The following PTPRD variants were observed in gnomAD, a reference collection of about 807,000 sequenced individuals.
The protein encoded by PTPRD is protein tyrosine phosphatase receptor type D, also known as receptor-type tyrosine-protein phosphatase delta.
Under a neutral mutation model 214.5 loss-of-function variants are expected in PTPRD, and 34 were observed. The observed-to-expected ratio is 0.16, with a 90% CI of 0.12 to 0.21. The LOEUF (loss-of-function observed/expected upper bound fraction) is 0.21. Among genes scored for constraint, PTPRD ranks in the 10% least tolerant of loss-of-function variants. The pLI is 1.00. For synonymous variants in PTPRD, 1,128 were observed against 845.7 expected, an observed-to-expected ratio of 1.33 and a Z score of -5.79; for missense variants, 2,545 against 2,398.7, an observed-to-expected ratio of 1.06 and a Z score of -1.27.
At chr9:9,758,875 T>C (rs1465317101) in intron 6 of PTPRD, among the ~76,000 whole-genome samples, 1 of 151,878 alleles carries the variant, frequency 6.6e-6, no homozygotes, top group Non-Finnish European at 1.5e-5. Context: ...TAATCAAAAC[T>C]AATTCTTAAT....
chr9:9,130,479 G>A (rs1411553048), intron 10 of PTPRD, among the ~76,000 whole-genome samples: 1 of 152,088 alleles, frequency 6.6e-6, no homozygotes, highest in Non-Finnish European at 1.5e-5. Flanking sequence ...GTAAAACAGA[G>A]GTCATATATA....
At chr9:10,008,063 G>C (rs1028898397) in intron 4 of PTPRD, among the ~76,000 whole-genome samples, 3 of 151,886 alleles carry the variant, frequency 2.0e-5, no homozygotes, top group Non-Finnish European at 4.4e-5. Flanking sequence ...CTGCAAATCT[G>C]GGGGAGCTGG....
chr9:8,696,953 T>C (rs188685277), intron 12 of PTPRD, among the ~76,000 whole-genome samples: 129 of 148,500 alleles, frequency 8.7e-4, no homozygotes, highest in African/African-American at 2.9e-3. Flanking sequence ...TAACGGTTTC[T>C]TCATTTTAGT....
chr9:9,456,863 C>T (rs959335451), intron 8 of PTPRD, among the ~76,000 whole-genome samples: 6 of 151,776 alleles, frequency 4.0e-5, no homozygotes, highest in Non-Finnish European at 5.9e-5. Context: ...AGACCTTGAG[C>T]TCTTTACTAA....
In PTPRD at chr9:9,575,394, GC is replaced by G. The variant is rs1411025601; in HGVS notation, c.-286-614del. Among the ~76,000 whole-genome samples, 4 of 151,626 alleles carry G rather than the reference GC, an allele frequency of 2.6e-5. No individual in the cohort carries two copies. In the East Asian group the frequency reaches 5.8e-4, roughly 22 times the overall value. On this transcript the variant is annotated intron_variant, in intron 7 of 45. Transcript: ENST00000381196. The stretch of plus-strand genomic sequence containing the variant: ...TGTCTTTAAATTGTCTTTAAAATAC[GC>G]CAGTTAGTTACCATTGTGTGTGACT...
intron 5 of PTPRD, among the ~76,000 whole-genome samples, chr9:9,839,119 G>A (rs1599341021): frequency 6.6e-6 from 1 of 152,072 alleles, no homozygotes; most frequent in Non-Finnish European, 1.5e-5. Flanking sequence ...CTGTTCCATT[G>A]ATCTATATCT....
intron 7 of PTPRD, among the ~76,000 whole-genome samples, chr9:9,638,553 TC>T (rs1321619123): frequency 6.6e-6 from 1 of 152,184 alleles, no homozygotes; most frequent in African/African-American, 2.4e-5. Context: ...CCCCTTCTTT[TC>T]TTCTGAGCCC....
intron 33 of PTPRD, among the ~76,000 whole-genome samples, chr9:8,453,386 G>T (rs937268671): frequency 3.9e-5 from 6 of 151,924 alleles, no homozygotes; most frequent in African/African-American, 1.5e-4. Flanking sequence ...GGATGGTCTC[G>T]ATCTCCTGAC....
intron 5 of PTPRD, among the ~76,000 whole-genome samples, chr9:9,894,907 G>A (rs28588844): frequency 0.17 from 25,662 of 151,790 alleles, 2,314 homozygotes; most frequent in Middle Eastern, 0.26. Context: ...AAAAGAGCCA[G>A]AAATGGCTTT....
In PTPRD at chr9:8,857,683, C is replaced by G. The variant is rs867200382; in HGVS notation, c.-103-123737G>C. ...CAGCCGCCGCCACCGCCTCCCGCGC[C>G]GCCGCCAACACTTTCCTCCAGCGCC... On this transcript the variant is annotated intron_variant, in intron 11 of 45. Coordinates refer to ENST00000381196, the MANE Select transcript of PTPRD (RefSeq NM_002839.4). The G allele has an allele frequency of 2.5e-5, 4 of 159,300 alleles. No homozygotes were observed. The Middle Eastern group carries it at 9.4e-3, about 376-fold the overall frequency. The allele number at this position is 159,300 out of a possible 1,614,324, so 9.9% of individuals were successfully genotyped here.
intron 5 of PTPRD, among the ~76,000 whole-genome samples, chr9:9,853,039 C>T (rs2060842105): frequency 6.6e-6 from 1 of 152,148 alleles, no homozygotes; most frequent in African/African-American, 2.4e-5. Flanking sequence ...TGGTCTAATT[C>T]TATGCTCTCC....
At chr9:8,578,183 T>C (rs905132545) in intron 14 of PTPRD, among the ~76,000 whole-genome samples, 15 of 152,280 alleles carry the variant, frequency 9.9e-5, no homozygotes, top group South Asian at 4.2e-4. Flanking sequence ...ATATGATGCA[T>C]TGCCAATAGT....
intron 4 of PTPRD, among the ~76,000 whole-genome samples, chr9:9,940,404 A>C (rs1989340): frequency 1.1e-4 from 16 of 151,740 alleles, no homozygotes; most frequent in African/African-American, 3.9e-4. Context: ...TGCCAGGGGA[A>C]TAGGATAGGA....
At chr9:9,445,598 G>A (rs1475017020) in intron 8 of PTPRD, among the ~76,000 whole-genome samples, 1 of 152,112 alleles carries the variant, frequency 6.6e-6, no homozygotes, top group Admixed American at 6.6e-5. Context: ...CAGCAGGAAG[G>A]AGAAGTGCCA....
intron 5 of PTPRD, among the ~76,000 whole-genome samples, chr9:9,823,973 T>C (rs562275313): frequency 6.6e-6 from 1 of 152,184 alleles, no homozygotes; most frequent in South Asian, 2.1e-4. Context: ...AAATATCACA[T>C]GTACCCCATA....
intron 3 of PTPRD, among the ~76,000 whole-genome samples, chr9:10,285,448 A>C (rs988211345): frequency 1.3e-5 from 2 of 152,132 alleles, no homozygotes; most frequent in Non-Finnish European, 2.9e-5. Context: ...GTAATATTTT[A>C]ACATGTGTCT....
intron 8 of PTPRD, among the ~76,000 whole-genome samples, chr9:9,546,727 C>A (rs2078891830): frequency 6.6e-6 from 1 of 151,546 alleles, no homozygotes; most frequent in African/African-American, 2.4e-5. Context: ...TAATATGTTC[C>A]ACTAAGTACT....
intron 13 of PTPRD, 97 bp from the exon 14 acceptor site, chr9:8,633,555 T>A (rs2154321369): frequency 7.3e-7 from 1 of 1,368,890 alleles, no homozygotes; most frequent in Non-Finnish European, 1.0e-6. Context: ...ATTAGGCTCA[T>A]AATAAACTAG....
At chr9:8,735,779 G>C (rs956086122) in intron 11 of PTPRD, among the ~76,000 whole-genome samples, 1 of 151,998 alleles carries the variant, frequency 6.6e-6, no homozygotes, top group Non-Finnish European at 1.5e-5. Context: ...AGGCGTGGTG[G>C]TGCATACCTG....
Sources: allele counts gnomAD v4.1 joint callset (sites outside exome capture counted in the v4.1 genomes callset), GRCh38; gene constraint gnomAD v4.1.1; transcripts MANE v1.5; gene names NCBI Gene and HGNC (gene_info 2026-07-23, HGNC 2026-07-21).